CDK14: variants seen among roughly 807,000 people sequenced by gnomAD.
CDK14 encodes the protein cyclin-dependent kinase 14.
CDK14 carries 34 observed loss-of-function variants against 60.7 expected under a neutral mutation model. That is an observed-to-expected ratio of 0.56 (90% CI 0.43 to 0.75). The LOEUF (loss-of-function observed/expected upper bound fraction) is 0.75. Ranked by LOEUF, CDK14 falls within the 30% of genes least tolerant of loss-of-function variation. CDK14 has a pLI of 0.00. For missense variants in CDK14, 482 were observed against 564.1 expected (o/e 0.85, Z 1.47); for synonymous variants, 197 against 203.7 (o/e 0.97, Z 0.28).
At chr7:90,634,050 G>T (rs1800071113) in intron 2 of CDK14, among the ~76,000 whole-genome samples, 1 of 152,120 alleles carries the variant, frequency 6.6e-6, no homozygotes, top group African/African-American at 2.4e-5. Context: ...TAGAGCAAAA[G>T]AAAATGAAGA....
intron 10 of CDK14, among the ~76,000 whole-genome samples, chr7:90,985,724 A>G (rs1422404677): frequency 2.0e-5 from 3 of 152,152 alleles, no homozygotes; most frequent in Non-Finnish European, 4.4e-5. Context: ...TGATTCCTCT[A>G]TGCAGTAGCC....
At chr7:91,204,697 C>T (rs11773183) in intron 14 of CDK14, among the ~76,000 whole-genome samples, 21,367 of 152,156 alleles carry the variant, frequency 0.14, 1,705 homozygotes, top group East Asian at 0.29. Flanking sequence ...GCCTGTAATC[C>T]CAGCACTTTG....
intron 8 of CDK14, among the ~76,000 whole-genome samples, chr7:90,935,044 C>T (rs908548544): frequency 7.9e-5 from 12 of 152,192 alleles, no homozygotes; most frequent in African/African-American, 2.9e-4. Context: ...TGTCCAAGAG[C>T]AAGAGGCCAG....
Position 90,875,325 on chromosome 7 carries a change from G to T in CDK14, c.639+12056G>T, listed in dbSNP as rs1190367911. 2.0e-5 allele frequency among the ~76,000 whole-genome samples: 3 copies of T among 152,134 alleles called. No homozygotes were observed. In the East Asian group the frequency reaches 5.8e-4, roughly 29 times the overall value. ...GAATAGTGCTGCTATGAACATTTGT[G>T]TACGTGCATTTGTTTATCTTCTTTC... On this transcript the variant is annotated intron_variant, in intron 6 of 14. Transcript: ENST00000380050.
intron 6 of CDK14, among the ~76,000 whole-genome samples, chr7:90,866,362 T>C (rs1791187570): frequency 6.6e-6 from 1 of 152,102 alleles, no homozygotes; most frequent in Non-Finnish European, 1.5e-5. Flanking sequence ...TTCAGAATTA[T>C]TAACATCAAA....
At chr7:90,617,591 A>G (rs1799680748) in intron 2 of CDK14, among the ~76,000 whole-genome samples, 1 of 152,176 alleles carries the variant, frequency 6.6e-6, no homozygotes, top group Admixed American at 6.5e-5. Context: ...TTAAATCATT[A>G]TGTTACTAAA....
chr7:90,803,635 G>C (rs559376680), intron 5 of CDK14, among the ~76,000 whole-genome samples: 2 of 152,264 alleles, frequency 1.3e-5, no homozygotes, highest in Admixed American at 1.3e-4. Flanking sequence ...TAGTGAGTTT[G>C]AAATCTGGCA....
At chr7:91,112,855 A>G (rs1002679288) in intron 13 of CDK14, among the ~76,000 whole-genome samples, 174 bp downstream of exon 13, 12 of 147,810 alleles carry the variant, frequency 8.1e-5, no homozygotes, top group African/African-American at 1.7e-4. Context: ...GTATGTGTGG[A>G]GAGAGAGAGA....
intron 14 of CDK14, among the ~76,000 whole-genome samples, chr7:91,131,120 T>C (rs1800103126): frequency 6.6e-6 from 1 of 151,992 alleles, no homozygotes; most frequent in Non-Finnish European, 1.5e-5. Context: ...TTTTTTGAAC[T>C]CTATTTTGAA....
chr7:90,910,797 G>A (rs1399736630), intron 7 of CDK14, among the ~76,000 whole-genome samples: 2 of 152,046 alleles, frequency 1.3e-5, no homozygotes, highest in African/African-American at 4.8e-5. Flanking sequence ...TTAAGTTCAG[G>A]GGTACATGTG....
chr7:90,672,640 G>A (rs751478903), intron 2 of CDK14, among the ~76,000 whole-genome samples: 10 of 148,488 alleles, frequency 6.7e-5, no homozygotes, highest in Admixed American at 6.1e-4. Flanking sequence ...CTTCCTCACC[G>A]TCCTGAGTAG....
At chr7:91,021,169 A>C (rs548096765) in intron 10 of CDK14, among the ~76,000 whole-genome samples, 1 of 152,266 alleles carries the variant, frequency 6.6e-6, no homozygotes, top group South Asian at 2.1e-4. Flanking sequence ...TGCCATCACC[A>C]TTGCCATATA....
intron 14 of CDK14, among the ~76,000 whole-genome samples, chr7:91,187,376 T>C (rs1477041490): frequency 2.0e-5 from 3 of 152,234 alleles, no homozygotes; most frequent in African/African-American, 7.2e-5. Context: ...TCCAAACATT[T>C]CTGAACAGAG....
At chr7:91,175,954 C>T (rs990085367) in intron 14 of CDK14, among the ~76,000 whole-genome samples, 23 of 151,724 alleles carry the variant, frequency 1.5e-4, no homozygotes, top group Middle Eastern at 3.4e-3. Flanking sequence ...CTGCACCAAG[C>T]GGACCTAATA....
At chr7:91,029,838 C>T (rs78728024) in intron 10 of CDK14, among the ~76,000 whole-genome samples, 37,237 of 151,910 alleles carry the variant, frequency 0.25, 4,642 homozygotes, top group South Asian at 0.33. Context: ...TTTCAAGGTA[C>T]AAGACCATAT....
intron 5 of CDK14, among the ~76,000 whole-genome samples, chr7:90,823,280 G>A (rs887274483): frequency 5.3e-5 from 8 of 152,178 alleles, no homozygotes; most frequent in African/African-American, 1.9e-4. Context: ...TCCCAAAGGA[G>A]ATATCTACTC....
At chr7:91,117,358 C>T (rs1799640160) in intron 13 of CDK14, among the ~76,000 whole-genome samples, 1 of 151,900 alleles carries the variant, frequency 6.6e-6, no homozygotes, top group South Asian at 2.1e-4. Context: ...CTTTCACCCA[C>T]ATTTTTACAG....
chr7:91,032,334 C>G (rs1239508750), intron 10 of CDK14, among the ~76,000 whole-genome samples: 1 of 152,044 alleles, frequency 6.6e-6, no homozygotes, highest in Non-Finnish European at 1.5e-5. Context: ...CAAATAATAT[C>G]TTGTAAATGG....
chr7:90,895,401 CTCT>C (rs1792282916), intron 6 of CDK14, among the ~76,000 whole-genome samples: 4 of 15,406 alleles, frequency 2.6e-4, no homozygotes, highest in Non-Finnish European at 4.6e-4. Context: ...CTCTCCTCTC[CTCT>C]CCTCTCCTCT....
Sources: gnomAD v4.1 joint callset for allele counts (sites outside exome capture counted in the v4.1 genomes callset) on GRCh38, gnomAD v4.1.1 for gene constraint, MANE v1.5 for transcripts, NCBI Gene and HGNC (gene_info 2026-07-23, HGNC 2026-07-21) for gene names.